Variants in NBEA observed in about 807,000 individuals in gnomAD.
NBEA encodes neurobeachin.
Under a neutral mutation model 343.4 loss-of-function variants are expected in NBEA, and 44 were observed. The ratio of observed to expected loss-of-function variants is 0.13; its 90% confidence interval spans 0.10 to 0.16. NBEA has a LOEUF of 0.16. NBEA is among the 10% of genes least tolerant of loss of function. The pLI is 1.00. For missense variants in NBEA, 2,555 were observed against 3,631.3 expected, an observed-to-expected ratio of 0.70 and a Z score of 7.62; for synonymous variants, 1,175 against 1,238.7, an observed-to-expected ratio of 0.95 and a Z score of 1.08.
intron 36 of NBEA, among the ~76,000 whole-genome samples, chr13:35,327,721 A>G (rs1271394548): frequency 6.6e-6 from 1 of 151,996 alleles, no homozygotes; most frequent in East Asian, 1.9e-4. Context: ...CCAAACCTCA[A>G]CATCATGCAA....
intron 45 of NBEA, among the ~76,000 whole-genome samples, chr13:35,581,806 C>T (rs1259259600): frequency 5.0e-4 from 74 of 146,998 alleles, no homozygotes; most frequent in Admixed American, 8.9e-4. Flanking sequence ...GTGGGTGCAG[C>T]GCACCAGCAT....
At chr13:35,243,412 T>G (rs2030663380) in intron 34 of NBEA, among the ~76,000 whole-genome samples, 1 of 151,704 alleles carries the variant, frequency 6.6e-6, no homozygotes, top group Admixed American at 6.6e-5. Flanking sequence ...TCTTCCTCTT[T>G]CAGTAATTAT....
intron 1 of NBEA, among the ~76,000 whole-genome samples, chr13:34,964,100 G>GT (rs1555262264): frequency 2.6e-5 from 4 of 152,062 alleles, no homozygotes; most frequent in Middle Eastern, 6.8e-3. Flanking sequence ...CTTACTGCCT[G>GT]TTTTTTAGAA....
At chr13:35,664,076 T>C (rs1432197708) in intron 55 of NBEA, among the ~76,000 whole-genome samples, 2 of 152,142 alleles carry the variant, frequency 1.3e-5, no homozygotes, top group South Asian at 2.1e-4. Context: ...GATTATGCAC[T>C]TTCCTCATGA....
chr13:35,471,730 T>G (rs2075656180), intron 40 of NBEA, among the ~76,000 whole-genome samples: 1 of 152,238 alleles, frequency 6.6e-6, no homozygotes, highest in African/African-American at 2.4e-5. Context: ...AGAACCGTTT[T>G]GTTCAAGCGT....
intron 38 of NBEA, among the ~76,000 whole-genome samples, chr13:35,424,546 T>C (rs1164657335): frequency 1.3e-5 from 2 of 152,140 alleles, no homozygotes; most frequent in Non-Finnish European, 2.9e-5. Flanking sequence ...CTGGATTCGG[T>C]TTGCCAGTAT....
At chr13:35,397,518 C>G (rs1238309099) in intron 38 of NBEA, among the ~76,000 whole-genome samples, 2 of 152,002 alleles carry the variant, frequency 1.3e-5, no homozygotes, top group Non-Finnish European at 2.9e-5. Context: ...AGGGCAGAGA[C>G]TTTTTTTTAC....
chr13:35,257,937 TC>T (rs569758113), intron 34 of NBEA, among the ~76,000 whole-genome samples: 35 of 152,300 alleles, frequency 2.3e-4, no homozygotes, highest in African/African-American at 8.2e-4. Context: ...TTTGAAAGAC[TC>T]TTCATGTTTT....
chr13:34,996,500 A>G (rs1483071976), intron 1 of NBEA, among the ~76,000 whole-genome samples: 1 of 151,876 alleles, frequency 6.6e-6, no homozygotes, highest in Non-Finnish European at 1.5e-5. Flanking sequence ...AATTGTCAAC[A>G]TGATAGAATT....
chr13:35,338,643 C>T (rs1040028947), intron 36 of NBEA, among the ~76,000 whole-genome samples: 1 of 151,926 alleles, frequency 6.6e-6, no homozygotes, highest in African/African-American at 2.4e-5. Flanking sequence ...GATACCAAAC[C>T]CAGATAAAGT....
At chr13:35,199,996 C>G (rs2072905343) in intron 31 of NBEA, among the ~76,000 whole-genome samples, 1 of 151,980 alleles carries the variant, frequency 6.6e-6, no homozygotes, top group East Asian at 1.9e-4. Flanking sequence ...TCCTCTAGTA[C>G]TGTTCTATAA....
chr13:35,057,590 A>G (rs2063318400), intron 7 of NBEA, among the ~76,000 whole-genome samples: 1 of 152,146 alleles, frequency 6.6e-6, no homozygotes, highest in Non-Finnish European at 1.5e-5. Flanking sequence ...CACAACCAAT[A>G]AATATTTAAT....
At chr13:35,667,117 A>G (rs563326539) in intron 56 of NBEA, among the ~76,000 whole-genome samples, 19 of 152,324 alleles carry the variant, frequency 1.2e-4, no homozygotes, top group African/African-American at 4.6e-4. Context: ...TTTTACTATG[A>G]ATATTACCTG....
chr13:35,526,131 T>C (rs2077963029), intron 41 of NBEA, among the ~76,000 whole-genome samples: 1 of 152,194 alleles, frequency 6.6e-6, no homozygotes, highest in African/African-American at 2.4e-5. Flanking sequence ...AAAAGTGATT[T>C]TGTGATGCTT....
intron 47 of NBEA, among the ~76,000 whole-genome samples, chr13:35,593,853 A>C (rs551675478): frequency 6.6e-6 from 1 of 152,208 alleles, no homozygotes; most frequent in South Asian, 2.1e-4. Flanking sequence ...CAATTAATAA[A>C]GCATTAATGA....
intron 36 of NBEA, among the ~76,000 whole-genome samples, chr13:35,316,646 A>G (rs776708038): frequency 2.6e-5 from 4 of 152,124 alleles, no homozygotes; most frequent in Non-Finnish European, 2.9e-5. Context: ...GCTGGGTCAA[A>G]TGGTATTTCT....
intron 8 of NBEA, among the ~76,000 whole-genome samples, chr13:35,063,948 A>C (rs2063555303): frequency 6.6e-6 from 1 of 152,022 alleles, no homozygotes; most frequent in Admixed American, 6.6e-5. Context: ...TTTTAGGCTG[A>C]AAAACTGAGC....
Position 35,297,117 on chromosome 13 carries a change from C to CT in NBEA, c.5838+6673dup, listed in dbSNP as rs1213070280. Among the ~76,000 whole-genome samples the CT allele has an allele frequency of 2.0e-5, 3 of 151,928 alleles. No individual in the cohort carries two copies. The East Asian group carries it at 5.8e-4, about 29-fold the overall frequency. The stretch of plus-strand genomic sequence containing the variant: ...TGATAGACATTATTCAGCATTCTCT[C>CT]TTTTTTACATGTGTTCATTTGTATG... On this transcript the variant is annotated intron_variant, in intron 35 of 58. Coordinates refer to ENST00000379939, the MANE Select transcript of NBEA (RefSeq NM_001385012.1).
At chr13:35,178,827 C>A (rs934250532) in intron 28 of NBEA, among the ~76,000 whole-genome samples, 1 of 151,254 alleles carries the variant, frequency 6.6e-6, no homozygotes, top group African/African-American at 2.4e-5. Context: ...AAGAAGATAC[C>A]ATTCTTACTG....
Sources: gnomAD v4.1 joint callset for allele counts (sites outside exome capture counted in the v4.1 genomes callset) on GRCh38, gnomAD v4.1.1 for gene constraint, MANE v1.5 for transcripts, NCBI Gene and HGNC (gene_info 2026-07-23, HGNC 2026-07-21) for gene names.